Variants in SEMA6D observed in about 807,000 individuals in gnomAD.
SEMA6D encodes semaphorin 6D, also known as semaphorin-6D.
Under a neutral mutation model 106.6 loss-of-function variants are expected in SEMA6D, and 35 were observed. That is an observed-to-expected ratio of 0.33 (90% confidence interval 0.25 to 0.44). The LOEUF (loss-of-function observed/expected upper bound fraction) is 0.44, where lower values mean the gene tolerates loss of function less well. Among genes scored for constraint, SEMA6D ranks in the 20% least tolerant of loss-of-function variants. SEMA6D has a pLI of 1.00. For missense variants in SEMA6D, 1,185 were observed against 1,345.9 expected, an observed-to-expected ratio of 0.88 and a Z score of 1.87; for synonymous variants, 499 against 487.7, an observed-to-expected ratio of 1.02 and a Z score of -0.31.
intron 1 of SEMA6D, among the ~76,000 whole-genome samples, chr15:47,185,933 C>T (rs964071458): frequency 2.0e-5 from 3 of 151,802 alleles, no homozygotes; most frequent in African/African-American, 7.3e-5. Context: ...AGAATAAGCT[C>T]TTGACAAGAG....
At chr15:47,200,974 G>A (rs943222404) in intron 1 of SEMA6D, among the ~76,000 whole-genome samples, 4 of 152,174 alleles carry the variant, frequency 2.6e-5, no homozygotes, top group Non-Finnish European at 4.4e-5. Context: ...GAGAGAGGGA[G>A]AAGCCAGGGT....
chr15:47,311,865 G>A (rs1336987010), intron 1 of SEMA6D, among the ~76,000 whole-genome samples: 3 of 152,192 alleles, frequency 2.0e-5, no homozygotes, highest in Non-Finnish European at 4.4e-5. Flanking sequence ...AGCCACGGGA[G>A]GCAGTTCCTG....
intron 1 of SEMA6D, among the ~76,000 whole-genome samples, chr15:47,186,607 A>C (rs1431198046): frequency 6.6e-6 from 1 of 152,014 alleles, no homozygotes; most frequent in East Asian, 1.9e-4. Context: ...TGCCCACTGA[A>C]TGCATTGGAT....
At chr15:47,278,527 G>C (rs1198730473) in intron 1 of SEMA6D, among the ~76,000 whole-genome samples, 1 of 152,134 alleles carries the variant, frequency 6.6e-6, no homozygotes, top group Non-Finnish European at 1.5e-5. Flanking sequence ...TTTGTCAGAT[G>C]AGTAGGTTGC....
chr15:47,496,438 T>C (rs1466452651), intron 3 of SEMA6D, among the ~76,000 whole-genome samples: 9 of 151,994 alleles, frequency 5.9e-5, no homozygotes, highest in Non-Finnish European at 1.5e-5. Flanking sequence ...TAATGCTTAG[T>C]TACCCACTCT....
At chr15:47,306,869 C>G (rs1383508916) in intron 1 of SEMA6D, among the ~76,000 whole-genome samples, 1 of 152,202 alleles carries the variant, frequency 6.6e-6, no homozygotes, top group Non-Finnish European at 1.5e-5. Context: ...AACTCTTCAA[C>G]TCAATATAGG....
chr15:47,207,993 GCACACACACACACACACACACACA>G (rs57079521), intron 1 of SEMA6D, among the ~76,000 whole-genome samples: 49 of 89,456 alleles, frequency 5.5e-4, no homozygotes, highest in Admixed American at 8.7e-4. Context: ...TGGCGCGCGC[GCACACACACACACACACACACACA>G]CACACACACA....
At chr15:47,494,769 T>TAG (rs1487179451) in intron 3 of SEMA6D, among the ~76,000 whole-genome samples, 24 of 95,904 alleles carry the variant, frequency 2.5e-4, no homozygotes, top group African/African-American at 1.4e-4. Context: ...TATATATATA[T>TAG]ATATATATAT....
At chr15:47,555,433 C>T (rs2045888231) in intron 3 of SEMA6D, among the ~76,000 whole-genome samples, 1 of 152,152 alleles carries the variant, frequency 6.6e-6, no homozygotes, top group African/African-American at 2.4e-5. Context: ...AAAACACTAC[C>T]CCTTGCATAC....
intron 3 of SEMA6D, among the ~76,000 whole-genome samples, chr15:47,546,525 T>C (rs942375234): frequency 2.0e-5 from 3 of 152,026 alleles, no homozygotes; most frequent in Non-Finnish European, 4.4e-5. Context: ...GGAATAGAAT[T>C]CTCTCTCAGT....
At chr15:47,541,759 C>T (rs1423478066) in intron 3 of SEMA6D, among the ~76,000 whole-genome samples, 1 of 152,136 alleles carries the variant, frequency 6.6e-6, no homozygotes, top group Non-Finnish European at 1.5e-5. Context: ...ATTTTTACAG[C>T]TGCAAAGTGT....
At chr15:47,218,746 A>G (rs2030905089) in intron 1 of SEMA6D, among the ~76,000 whole-genome samples, 1 of 152,196 alleles carries the variant, frequency 6.6e-6, no homozygotes, top group Non-Finnish European at 1.5e-5. Flanking sequence ...TGTGCCAGAC[A>G]CTGTGTCAAT....
chr15:47,620,252 A>T (rs2077075309), intron 4 of SEMA6D, among the ~76,000 whole-genome samples: 1 of 152,088 alleles, frequency 6.6e-6, no homozygotes, highest in African/African-American at 2.4e-5. Context: ...ATGTTTTTGA[A>T]TTTTTTAAAT....
intron 1 of SEMA6D, among the ~76,000 whole-genome samples, chr15:47,738,496 C>G (rs934969464): frequency 2.6e-5 from 4 of 152,148 alleles, no homozygotes; most frequent in Admixed American, 6.5e-5. Context: ...ATTTTAGGGA[C>G]AAGTTTCTAC....
intron 3 of SEMA6D, among the ~76,000 whole-genome samples, chr15:47,565,786 C>T (rs889411617): frequency 3.9e-5 from 6 of 152,156 alleles, no homozygotes; most frequent in African/African-American, 1.4e-4. Flanking sequence ...ATTGGAAATG[C>T]AAAATATGTT....
intron 1 of SEMA6D, among the ~76,000 whole-genome samples, chr15:47,275,932 T>C (rs1014325988): frequency 2.0e-5 from 3 of 152,114 alleles, no homozygotes; most frequent in African/African-American, 7.2e-5. Context: ...TTCTACTCCA[T>C]TGAACACATG....
At chr15:47,229,879 G>C (rs2032068613) in intron 1 of SEMA6D, among the ~76,000 whole-genome samples, 1 of 152,060 alleles carries the variant, frequency 6.6e-6, no homozygotes, top group Non-Finnish European at 1.5e-5. Flanking sequence ...GTCAAAGTCT[G>C]CTTTGGTTAG....
intron 2 of SEMA6D, among the ~76,000 whole-genome samples, chr15:47,422,616 C>T (rs1011101104): frequency 6.6e-6 from 1 of 151,976 alleles, no homozygotes. Flanking sequence ...GATTCCCCTC[C>T]CCTTTCAATT....
At chr15:47,241,369 A>G (rs1166682903) in intron 1 of SEMA6D, 1 of 152,160 alleles carries the variant, frequency 6.6e-6, no homozygotes, top group African/African-American at 2.4e-5. Flanking sequence ...GCAGACCTGT[A>G]TGTAAGTGGT....
Sources: allele counts gnomAD v4.1 joint callset (sites outside exome capture counted in the v4.1 genomes callset), GRCh38; gene constraint gnomAD v4.1.1; transcripts MANE v1.5; gene names NCBI Gene and HGNC (gene_info 2026-07-23, HGNC 2026-07-21).